The following INSIG1 variants were observed in gnomAD, a reference collection of about 807,000 sequenced individuals.
The protein encoded by INSIG1 is insulin induced gene 1, also known as insulin-induced gene 1 protein.
In INSIG1, 14 loss-of-function variants were observed where a neutral mutation model predicts 26.5. The ratio of observed to expected loss-of-function variants is 0.53; its 90% CI spans 0.35 to 0.83. The LOEUF is 0.83. INSIG1 is among the 40% of genes least tolerant of loss of function. The pLI, the probability that INSIG1 is intolerant of heterozygous loss-of-function variation, is 0.01. For synonymous variants in INSIG1, 147 were observed against 153.3 expected, an observed-to-expected ratio of 0.96 and a Z score of 0.30; for missense variants, 272 against 368.9, an observed-to-expected ratio of 0.74 and a Z score of 2.15.
chr7:155,302,472 A>G lies in INSIG1; in HGVS notation c.704+55A>G, dbSNP rs1220863106. On this transcript the variant is annotated intron_variant, in intron 4 of 5. Transcript: ENST00000340368. This position sits in a 1 kb window ranked among gnomAD's most constrained non-coding sequence, Gnocchi z 4.3. ...GGAAAGCTTACTTAACTTTCATTAA[A>G]ACATCCACTAAGCTTAGATATTTTC... The G allele has an allele frequency of 7.0e-7, 1 of 1,424,492 alleles. No individual in the cohort carries two copies. Among genetic ancestry groups the G allele is most frequent in the African/African-American group, 1.4e-5 (1 of 69,448 alleles). 88.2% of individuals were successfully genotyped at this position (1,424,492 alleles called of 1,614,324 possible).
In INSIG1 at chr7:155,301,780, T is replaced by C. The variant is rs879179941; in HGVS notation, c.537+90T>C. The C allele has an allele frequency of 3.2e-6, 4 of 1,247,990 alleles. No individual in the cohort carries two copies. The South Asian group carries it at 1.0e-4, about 31-fold the overall frequency. The allele number at this position is 1,247,990 out of a possible 1,614,324, so 77.3% of individuals were successfully genotyped here. A position where few individuals can be genotyped will look rare whatever the true frequency, so the allele number is the denominator to read the frequency against. ...TTTGTTATATACTCAAATGACTCCA[T>C]GTCATAATACAGACATGATGGTGGT... On this transcript the variant is annotated intron_variant, in intron 3 of 5. Coordinates refer to ENST00000340368, the MANE Select transcript of INSIG1 (RefSeq NM_005542.6).
chr7:155,300,924 G>A (rs9690181), intron 2 of INSIG1, among the ~76,000 whole-genome samples: 30,206 of 152,234 alleles, frequency 0.2, 3,487 homozygotes, highest in East Asian at 0.43. Flanking sequence ...AGCGAAGCCT[G>A]TGTGGGGCTG....
At position 155,308,236 on chromosome 7, in the gene INSIG1, CAT is replaced by C. The variant is rs953334459; in HGVS notation, c.805-3_805-2del. 7 of 1,501,380 alleles carry C rather than the reference CAT, an allele frequency of 4.7e-6. No individual in the cohort carries two copies. The highest frequency in any genetic ancestry group is 5.5e-6 in the Non-Finnish European group (6 of 1,082,030). 93.0% of individuals were successfully genotyped at this position (1,501,380 alleles called of 1,614,324 possible). ...TTTCCTTTTTTTTTTCCTTTCTACA[CAT>C]AGGGTGTTCCTGAAAAGCCCCATAG... On this transcript the variant is annotated splice_region_variant and splice_polypyrimidine_tract_variant and intron_variant, in intron 5 of 5. Transcript: ENST00000340368.
Position 155,302,604 on chromosome 7 carries a change from C to T in INSIG1, c.705-143C>T. ...AACGCAAAGGAAAACCAAGTAGTAG[C>T]AGTTACAACCAAACAAATATGAACA... On this transcript the variant is annotated intron_variant, in intron 4 of 5. Transcript: ENST00000340368. This position sits in a 1 kb window ranked among gnomAD's most constrained non-coding sequence, Gnocchi z 4.3. 1.1e-6 allele frequency: 1 copy of T among 869,898 alleles called. No individual in the cohort carries two copies. The highest frequency in any genetic ancestry group is 2.5e-5 in the East Asian group (1 of 39,580). 53.9% of individuals were successfully genotyped at this position (869,898 alleles called of 1,614,324 possible).
chr7:155,304,084 G>T (rs1206093143), intron 5 of INSIG1, among the ~76,000 whole-genome samples: 5 of 148,838 alleles, frequency 3.4e-5, no homozygotes, highest in African/African-American at 9.9e-5. Context: ...CCGCTTCAGC[G>T]TCCCGAGTAG....
chr7:155,301,246 C>CT (rs760694738), intron 2 of INSIG1, among the ~76,000 whole-genome samples: 1 of 152,128 alleles, frequency 6.6e-6, no homozygotes, highest in Non-Finnish European at 1.5e-5. Context: ...GTGCTTTAGG[C>CT]AAATGTGGAT....
Position 155,302,622 on chromosome 7 carries a change from T to C in INSIG1, c.705-125T>C, listed in dbSNP as rs1161549139. On this transcript the variant is annotated intron_variant, in intron 4 of 5. Coordinates refer to ENST00000340368, the MANE Select transcript of INSIG1 (RefSeq NM_005542.6). The surrounding 1 kb of genome is among the most constrained non-coding windows in gnomAD (Gnocchi z 4.3). ...GTAGTAGCAGTTACAACCAAACAAA[T>C]ATGAACATTCGTAACATTGGATGGT... is the stretch of plus-strand genomic sequence containing the variant. The C allele has an allele frequency of 3.3e-6, 3 of 897,192 alleles. No homozygotes were observed. The highest frequency in any genetic ancestry group is 5.3e-6 in the Non-Finnish European group (3 of 570,450). The allele number at this position is 897,192 out of a possible 1,614,324, so 55.6% of individuals were successfully genotyped here. A position where few individuals can be genotyped will look rare whatever the true frequency, so the allele number is the denominator to read the frequency against.
chr7:155,302,044 G>C lies in INSIG1; in HGVS notation c.538-207G>C, dbSNP rs981629740. 1.7e-4 allele frequency among the ~76,000 whole-genome samples: 25 copies of C among 150,490 alleles called. No homozygotes were observed. The highest frequency in any genetic ancestry group is 6.1e-4 in the African/African-American group (25 of 40,896). Reference sequence around the variant, plus strand: ...TTCTTATGGTTAAGTTTTTGACTCAGTGATGGCAGGGAGATTTCAGGTGAT... The same window carrying C: ...TTCTTATGGTTAAGTTTTTGACTCACTGATGGCAGGGAGATTTCAGGTGAT... On this transcript the variant is annotated intron_variant, in intron 3 of 5. Coordinates refer to ENST00000340368, the MANE Select transcript of INSIG1 (RefSeq NM_005542.6). This position sits in a 1 kb window ranked among gnomAD's most constrained non-coding sequence, Gnocchi z 4.3.
rs377100490 is a variant in INSIG1, at chr7:155,303,934, C to T, written c.804+1088C>T. 6.0e-5 allele frequency: 67 copies of T among 1,117,562 alleles called. No individual in the cohort carries two copies. The African/African-American group carries it at 8.5e-4, about 14-fold the overall frequency. The allele number at this position is 1,117,562 out of a possible 1,614,324, so 69.2% of individuals were successfully genotyped here. On this transcript the variant is annotated intron_variant, in intron 5 of 5. Transcript: ENST00000340368. ...TCTTCCACTGGTTACTGACTCTCTG[C>T]TGCCAAATTTCTCATGATGGAGAAG...
intron 5 of INSIG1, among the ~76,000 whole-genome samples, chr7:155,306,219 C>T (rs570594209): frequency 2.1e-4 from 32 of 152,266 alleles, no homozygotes; most frequent in African/African-American, 7.0e-4. Flanking sequence ...AGGCTGGTCT[C>T]GAACTCCTGA....
At position 155,310,167 on chromosome 7, in the gene INSIG1, C is replaced by CAT. The variant is rs1415952320; in HGVS notation, c.*1899_*1900dup. On this transcript the variant is annotated 3_prime_UTR_variant, in exon 6 of 6. Coordinates refer to ENST00000340368, the MANE Select transcript of INSIG1 (RefSeq NM_005542.6). ...TTGAACATCTAGTGAGGTTCACATTCATACTAAGTTTTCAACATTGTGTTC... is the reference window on the plus strand; with the variant it reads ...TTGAACATCTAGTGAGGTTCACATTCATATACTAAGTTTTCAACATTGTGTTC... 1 of 152,618 alleles carries CAT rather than the reference C, an allele frequency of 6.6e-6. No homozygotes were observed. Among genetic ancestry groups the CAT allele is most frequent in the Non-Finnish European group, 1.5e-5 (1 of 68,034 alleles). 9.5% of individuals were successfully genotyped at this position (152,618 alleles called of 1,614,324 possible).
chr7:155,305,506 A>G (rs10245853), intron 5 of INSIG1, among the ~76,000 whole-genome samples: 39,039 of 152,002 alleles, frequency 0.26, 5,296 homozygotes, highest in Admixed American at 0.34. Flanking sequence ...GACTCACAAA[A>G]TGGAAGTGGC....
chr7:155,304,175 G>A (rs80169371), intron 5 of INSIG1, among the ~76,000 whole-genome samples: 21 of 152,230 alleles, frequency 1.4e-4, no homozygotes, highest in African/African-American at 5.1e-4. Flanking sequence ...CCTTGTCCAG[G>A]CCGGGCTCGA....
chr7:155,298,926 G>A (rs904926401), intron 2 of INSIG1, among the ~76,000 whole-genome samples: 5 of 152,212 alleles, frequency 3.3e-5, no homozygotes, highest in African/African-American at 4.8e-5. Context: ...CACAGTGATG[G>A]AGATGAGGCA....
intron 5 of INSIG1, chr7:155,303,092 C>A: frequency 2.8e-6 from 1 of 361,340 alleles, no homozygotes; most frequent in Non-Finnish European, 5.2e-6. Context: ...CTTTGAATTG[C>A]AGATGTGGTC....
At chr7:155,305,793 C>A (rs1353848503) in intron 5 of INSIG1, among the ~76,000 whole-genome samples, 1 of 152,160 alleles carries the variant, frequency 6.6e-6, no homozygotes, top group African/African-American at 2.4e-5. Context: ...ACTTATGCTT[C>A]CCTCCCTTAA....
chr7:155,303,975 CCTTTTT>C, intron 5 of INSIG1: 2 of 387,494 alleles, frequency 5.2e-6, no homozygotes, highest in East Asian at 1.1e-4. Context: ...ACTTTGCTTG[CCTTTTT>C]TTTTTTTTTT....
intron 3 of INSIG1, 143 bp downstream of exon 3, chr7:155,301,833 A>G: frequency 1.5e-6 from 1 of 679,920 alleles, no homozygotes; most frequent in Non-Finnish European, 2.1e-6. Flanking sequence ...TACTAAAAAG[A>G]GAAAGAAGAA....
chr7:155,298,770 A>G (rs1035743213), intron 2 of INSIG1, 73 bp downstream of exon 2: 2 of 1,346,450 alleles, frequency 1.5e-6, no homozygotes, highest in Non-Finnish European at 2.0e-6. Context: ...TCAGCCTATA[A>G]GAAACATGCA....
Sources: gnomAD v4.1 joint callset for allele counts (sites outside exome capture counted in the v4.1 genomes callset) on GRCh38, gnomAD v4.1.1 for gene constraint, Gnocchi (gnomAD v3.1) non-coding constraint, MANE v1.5 for transcripts, NCBI Gene and HGNC (gene_info 2026-07-23, HGNC 2026-07-21) for gene names.